CDADC1: variants seen among roughly 807,000 people sequenced by gnomAD.
CDADC1 encodes the protein cytidine and dCMP deaminase domain containing 1, also known as dCTP deaminase.
CDADC1 carries 39 observed loss-of-function variants against 54.9 expected under a neutral mutation model. That is an observed-to-expected ratio of 0.71 (90% confidence interval 0.55 to 0.93). The LOEUF is 0.93. Ranked by LOEUF, CDADC1 falls within the 40% of genes least tolerant of loss-of-function variation. The pLI is 0.00. For missense variants in CDADC1, 518 were observed against 618.8 expected, an observed-to-expected ratio of 0.84 and a Z score of 1.73; for synonymous variants, 186 against 204.0, an observed-to-expected ratio of 0.91 and a Z score of 0.75.
intron 5 of CDADC1, among the ~76,000 whole-genome samples, chr13:49,270,661 T>C (rs1952943868): frequency 6.6e-6 from 1 of 152,204 alleles, no homozygotes; most frequent in South Asian, 2.1e-4. Flanking sequence ...GGGCTATAAA[T>C]AACTCAATTT....
chr13:49,266,872 A>G (rs1952827704), intron 4 of CDADC1, among the ~76,000 whole-genome samples: 1 of 152,220 alleles, frequency 6.6e-6, no homozygotes. Flanking sequence ...TATTCCAGAT[A>G]GAAAACTAGG....
rs558518946 is a variant in CDADC1 at position 49,257,309 on chromosome 13, A to AT, written c.252+1407dup. On this transcript the variant is annotated intron_variant, in intron 3 of 9. Coordinates refer to ENST00000251108, the MANE Select transcript of CDADC1 (RefSeq NM_030911.4). ...GTGTGCTTCTCACTTGATAGGAACAATTTTTTTTTTTATGTTTTATTCTGG... is the reference window on the plus strand; with the variant it reads ...GTGTGCTTCTCACTTGATAGGAACAATTTTTTTTTTTTATGTTTTATTCTGG... Among the ~76,000 whole-genome samples, 393 of 149,576 alleles carry AT rather than the reference A, an allele frequency of 2.6e-3. 2 individuals carry two copies. Among genetic ancestry groups the AT allele is most frequent in the South Asian group, 0.023 (108 of 4,732 alleles).
rs374038513 is a variant in CDADC1, at chr13:49,259,446, A to G, written c.353A>G (p.His118Arg). 3.7e-6 allele frequency: 6 copies of G among 1,614,032 alleles called. No individual in the cohort carries two copies. In the African/African-American group the frequency reaches 4.0e-5, roughly 11 times the overall value. Reference protein sequence around the residue: ...LHAGQIALIKHGSRLKNCDLY... With the variant: ...LHAGQIALIKRGSRLKNCDLY... ...GCCGGGCAGATTGCTCTTATTAAACATGGGTCAAGGCTGAAAAACTGTGAT... is the reference window on the plus strand; with the variant it reads ...GCCGGGCAGATTGCTCTTATTAAACGTGGGTCAAGGCTGAAAAACTGTGAT... Residue 118 changes from histidine (H) to arginine (R), a missense_variant, in exon 4 of 10, where the codon CAT (histidine) becomes CGT (arginine). By Grantham distance (29) the His-to-Arg change is conservative. Transcript: ENST00000251108.
At chr13:49,289,167 C>T (rs1221606192) in intron 9 of CDADC1, among the ~76,000 whole-genome samples, 1 of 116,460 alleles carries the variant, frequency 8.6e-6, no homozygotes, top group African/African-American at 3.4e-5. Context: ...CTCACTCTGT[C>T]GCCCAGTCTG....
At chr13:49,270,798 GA>G (rs1221441488) in intron 5 of CDADC1, among the ~76,000 whole-genome samples, 1 of 152,168 alleles carries the variant, frequency 6.6e-6, no homozygotes, top group African/African-American at 2.4e-5. Context: ...ACAGTTTATG[GA>G]ACACCTACTA....
At chr13:49,265,971 G>A in intron 4 of CDADC1, 2 of 1,299,498 alleles carry the variant, frequency 1.5e-6, no homozygotes, top group South Asian at 2.5e-5. Context: ...GAGGGAAGGT[G>A]AAATGCAACC....
At chr13:49,290,420 G>T (rs9526535) in intron 9 of CDADC1, among the ~76,000 whole-genome samples, 58,410 of 150,922 alleles carry the variant, frequency 0.39, 11,391 homozygotes, top group East Asian at 0.48. Context: ...ATTATATATA[G>T]AGAGAGAGAA....
At chr13:49,270,825 G>C (rs186915358) in intron 5 of CDADC1, among the ~76,000 whole-genome samples, 459 of 152,298 alleles carry the variant, frequency 3.0e-3, no homozygotes, top group Non-Finnish European at 5.6e-3. Context: ...CAAGCACTGA[G>C]CTTGGTGATT....
At position 49,248,935 on chromosome 13, in the gene CDADC1, T is replaced by C. The variant is rs137978525; in HGVS notation, c.147T>C (p.Phe49=). Residue 49 remains phenylalanine, a synonymous_variant, in exon 2 of 10, where the codon TTT becomes TTC. Transcript: ENST00000251108. The part of the protein sequence containing the change: ...FTLLSLWMEL[F]PAEAQRQKSQ... ...TGCTCAGCCTCTGGATGGAGCTCTT[T>C]CCAGCAGAAGCCCAGCGGCAAAAAT... is the stretch of plus-strand genomic sequence containing the variant. The C allele has an allele frequency of 3.2e-4, 513 of 1,612,908 alleles. 1 individual carries two copies. The African/African-American group carries it at 6.2e-3, about 19-fold the overall frequency.
intron 9 of CDADC1, among the ~76,000 whole-genome samples, chr13:49,286,523 C>G (rs1168784985): frequency 6.6e-6 from 1 of 152,102 alleles, no homozygotes; most frequent in Non-Finnish European, 1.5e-5. Context: ...TAATTATGCA[C>G]AAATTGACTT....
intron 2 of CDADC1, among the ~76,000 whole-genome samples, chr13:49,249,845 G>A (rs1413602705): frequency 6.6e-6 from 1 of 152,120 alleles, no homozygotes; most frequent in Non-Finnish European, 1.5e-5. Context: ...GCAACAAGGG[G>A]CTAGGTTCTC....
At chr13:49,279,742 TGGA>T (rs1953261789) in intron 7 of CDADC1, among the ~76,000 whole-genome samples, 1 of 152,046 alleles carries the variant, frequency 6.6e-6, no homozygotes, top group Non-Finnish European at 1.5e-5. Flanking sequence ...AGGCTGGCGG[TGGA>T]GGAATTGAAG....
At chr13:49,254,765 A>G (rs934612922) in intron 2 of CDADC1, among the ~76,000 whole-genome samples, 5 of 152,240 alleles carry the variant, frequency 3.3e-5, no homozygotes, top group African/African-American at 9.6e-5. Flanking sequence ...AACTTACTTC[A>G]TAGTCACTTT....
intron 4 of CDADC1, among the ~76,000 whole-genome samples, chr13:49,266,472 T>A (rs1157515233): frequency 1.3e-5 from 2 of 152,256 alleles, no homozygotes; most frequent in African/African-American, 4.8e-5. Flanking sequence ...ACCTTTCCTC[T>A]GTCACACTGA....
At chr13:49,283,447 T>G (rs984136703) in intron 8 of CDADC1, among the ~76,000 whole-genome samples, 2 of 152,190 alleles carry the variant, frequency 1.3e-5, no homozygotes, top group Admixed American at 6.5e-5. Context: ...ACTTCCGTGT[T>G]TTTGTTTTCT....
In CDADC1 at chr13:49,280,561, C is replaced by A; in HGVS notation, c.1273C>A (p.Pro425Thr). 6.7e-7 allele frequency: 1 copy of A among 1,492,072 alleles called. No individual in the cohort carries two copies. The highest frequency in any genetic ancestry group is 1.4e-5 in the South Asian group (1 of 69,634). The allele number at this position is 1,492,072 out of a possible 1,614,324, so 92.4% of individuals were successfully genotyped here. ...ERSMIFVTKC[P>T]CDECVPLIKG... Reference sequence around the variant, plus strand: ...AAGCATGATTTTTGTGACAAAGTGCCCATGTGATGAGTGTGTACCTTTAAT... The same window carrying A: ...AAGCATGATTTTTGTGACAAAGTGCACATGTGATGAGTGTGTACCTTTAAT... The change falls in exon 8 of 10, where the codon CCA becomes ACA. Residue 425 changes from proline (P) to threonine (T), a missense_variant. Physicochemically the swap from Pro to Thr is conservative, Grantham distance 38. Transcript: ENST00000251108.
intron 4 of CDADC1, chr13:49,266,054 G>A (rs1404414826): frequency 3.1e-5 from 19 of 617,850 alleles, no homozygotes; most frequent in Non-Finnish European, 4.6e-5. Flanking sequence ...TGAGTCAGGA[G>A]TACCAGGGAG....
In CDADC1 at chr13:49,291,808, C is replaced by G. The variant is rs747156666; in HGVS notation, c.*51C>G. The G allele has an allele frequency of 6.3e-6, 10 of 1,580,204 alleles. No individual in the cohort carries two copies. Among genetic ancestry groups the G allele is most frequent in the Non-Finnish European group, 8.6e-6 (10 of 1,165,456 alleles). ...ACCTCAAGAACTTTTCATTGCACTT[C>G]TAAAATTCAGCCTTGTTCATTCAGA... On this transcript the variant is annotated 3_prime_UTR_variant, in exon 10 of 10. Transcript: ENST00000251108.
rs566367327 is a variant in CDADC1, at chr13:49,290,604, G to A, written c.1472-1080G>A. On this transcript the variant is annotated intron_variant, in intron 9 of 9. Coordinates refer to ENST00000251108, the MANE Select transcript of CDADC1 (RefSeq NM_030911.4). Reference sequence around the variant, plus strand: ...AATCCCTCAAAAGATGGGAAGAAAGGGGCAGAAAGAAGCTTTTGCAGGTGA... The same window carrying A: ...AATCCCTCAAAAGATGGGAAGAAAGAGGCAGAAAGAAGCTTTTGCAGGTGA... Among the ~76,000 whole-genome samples the A allele has an allele frequency of 3.3e-5, 5 of 152,206 alleles. No homozygotes were observed. The South Asian group carries it at 1.0e-3, about 32-fold the overall frequency.
Sources: gnomAD v4.1 joint callset for allele counts (sites outside exome capture counted in the v4.1 genomes callset) on GRCh38, gnomAD v4.1.1 for gene constraint, MANE v1.5 for transcripts, NCBI Gene and HGNC (gene_info 2026-07-23, HGNC 2026-07-21) for gene names.